C8orf34: variants seen among roughly 807,000 people sequenced by gnomAD.
The protein encoded by C8orf34 is uncharacterized protein C8orf34.
A neutral mutation model predicts 68.3 loss-of-function variants in C8orf34; 65 were observed. The ratio of observed to expected loss-of-function variants is 0.95; its 90% confidence interval spans 0.78 to 1.17. C8orf34 has a LOEUF of 1.17. Ranked by LOEUF, C8orf34 falls within the 50% of genes most tolerant of loss-of-function variation. The pLI, the probability that C8orf34 is intolerant of heterozygous loss-of-function variation, is 0.00. For missense variants in C8orf34, 664 were observed against 655.4 expected (o/e 1.01, Z -0.14); for synonymous variants, 244 against 241.2 (o/e 1.01, Z -0.11).
intron 8 of C8orf34, among the ~76,000 whole-genome samples, chr8:68,677,952 G>T (rs1820244331): frequency 6.6e-6 from 1 of 152,090 alleles, no homozygotes; most frequent in South Asian, 2.1e-4. Context: ...GCTACTAAGA[G>T]AAACTATATG....
intron 8 of C8orf34, among the ~76,000 whole-genome samples, chr8:68,673,345 A>G (rs1255650999): frequency 6.6e-6 from 1 of 151,992 alleles, no homozygotes; most frequent in Non-Finnish European, 1.5e-5. Context: ...GGGGTCCACA[A>G]TTCCAGGCGT....
chr8:68,744,425 C>G (rs1233694702), intron 10 of C8orf34, among the ~76,000 whole-genome samples: 1 of 152,130 alleles, frequency 6.6e-6, no homozygotes, highest in Non-Finnish European at 1.5e-5. Context: ...TTCAGATGAT[C>G]AAATTACTCT....
chr8:68,723,828 G>A (rs1307238665), intron 10 of C8orf34, among the ~76,000 whole-genome samples: 2 of 152,018 alleles, frequency 1.3e-5, no homozygotes, highest in East Asian at 3.9e-4. Flanking sequence ...AGCTTTATTT[G>A]ACCGAAGTTT....
At position 68,513,656 on chromosome 8, in the gene C8orf34, T is replaced by G. The variant is rs77743185; in HGVS notation, c.766-8143T>G. Among the ~76,000 whole-genome samples, 1,224 of 152,352 alleles carry G rather than the reference T, an allele frequency of 8.0e-3. 16 individuals are homozygous for G. Among genetic ancestry groups the G allele is most frequent in the Middle Eastern group, 0.024 (7 of 294 alleles). ...ATGCCTGGTGAAGAACCTTTTATTC[T>G]TATGCAAGTGGTTCCTCCACCAGGA... On this transcript the variant is annotated intron_variant, in intron 5 of 13. Transcript: ENST00000518698.
chr8:68,569,038 A>C (rs1316938045), intron 7 of C8orf34, among the ~76,000 whole-genome samples: 1 of 152,216 alleles, frequency 6.6e-6, no homozygotes, highest in Non-Finnish European at 1.5e-5. Flanking sequence ...CTCCCGTTGT[A>C]GACTGTCTGT....
intron 3 of C8orf34, among the ~76,000 whole-genome samples, chr8:68,464,638 T>A (rs1812021611): frequency 6.6e-6 from 1 of 151,948 alleles, no homozygotes. Flanking sequence ...CCCTCAGAAA[T>A]AACACTGCAT....
chr8:68,810,499 CCTT>C (rs1332238627), intron 12 of C8orf34, among the ~76,000 whole-genome samples: 4 of 152,200 alleles, frequency 2.6e-5, no homozygotes, highest in Non-Finnish European at 5.9e-5. Context: ...GCTCTTCTCT[CCTT>C]CTCTCTTCTC....
At chr8:68,342,611 A>G (rs1347267848) in intron 1 of C8orf34, among the ~76,000 whole-genome samples, 1 of 152,200 alleles carries the variant, frequency 6.6e-6, no homozygotes, top group East Asian at 1.9e-4. Flanking sequence ...TATCATTCTG[A>G]GTAGCATTGT....
At chr8:68,488,496 G>C (rs147564175) in intron 5 of C8orf34, among the ~76,000 whole-genome samples, 37 of 152,196 alleles carry the variant, frequency 2.4e-4, no homozygotes, top group African/African-American at 8.7e-4. Flanking sequence ...GTACTTTGAA[G>C]TGGGGTAGTA....
At chr8:68,813,820 C>T (rs1342348337) in intron 12 of C8orf34, among the ~76,000 whole-genome samples, 5 of 152,192 alleles carry the variant, frequency 3.3e-5, no homozygotes, top group African/African-American at 1.2e-4. Context: ...TTCCTCTCTA[C>T]CGCAACTATT....
At chr8:68,688,531 T>C (rs1820592416) in intron 8 of C8orf34, among the ~76,000 whole-genome samples, 1 of 152,108 alleles carries the variant, frequency 6.6e-6, no homozygotes, top group Admixed American at 6.6e-5. Context: ...CGTATGTTTA[T>C]TGCAGCAATA....
intron 1 of C8orf34, among the ~76,000 whole-genome samples, chr8:68,412,722 A>G (rs1809495697): frequency 6.6e-6 from 1 of 151,296 alleles, no homozygotes; most frequent in Non-Finnish European, 1.5e-5. Flanking sequence ...GTTACCAATA[A>G]CTCTCTCCAT....
intron 7 of C8orf34, among the ~76,000 whole-genome samples, chr8:68,597,858 T>TA (rs1034696153): frequency 3.3e-5 from 5 of 152,072 alleles, no homozygotes; most frequent in African/African-American, 4.8e-5. Flanking sequence ...TTTATACTGA[T>TA]AAAAAAATGA....
intron 7 of C8orf34, among the ~76,000 whole-genome samples, chr8:68,571,201 A>G (rs1816750623): frequency 6.6e-6 from 1 of 152,182 alleles, no homozygotes. Context: ...CTCCATGGAA[A>G]GGGAATGCTC....
intron 12 of C8orf34, 87 bp downstream of exon 12, chr8:68,787,623 A>G: frequency 1.1e-6 from 1 of 910,802 alleles, no homozygotes; most frequent in Non-Finnish European, 1.6e-6. Context: ...AGCAATAAAC[A>G]ACTTCTGTAA....
At chr8:68,681,206 G>C (rs531178813) in intron 8 of C8orf34, among the ~76,000 whole-genome samples, 1 of 152,140 alleles carries the variant, frequency 6.6e-6, no homozygotes, top group Non-Finnish European at 1.5e-5. Flanking sequence ...AATTTGTATA[G>C]TTAACACAAT....
intron 6 of C8orf34, chr8:68,525,537 T>G (rs1814938405): frequency 1.2e-6 from 1 of 849,086 alleles, no homozygotes; most frequent in Non-Finnish European, 1.9e-6. Context: ...AATCCCAGGA[T>G]TTTCCCTCCT....
At chr8:68,747,882 C>T (rs1374742787) in intron 10 of C8orf34, among the ~76,000 whole-genome samples, 1 of 152,126 alleles carries the variant, frequency 6.6e-6, no homozygotes, top group East Asian at 1.9e-4. Flanking sequence ...TTGGAAAAAA[C>T]TACTTTAATG....
chr8:68,480,747 C>A (rs1009992121), intron 4 of C8orf34, among the ~76,000 whole-genome samples: 18 of 152,150 alleles, frequency 1.2e-4, no homozygotes, highest in Non-Finnish European at 7.3e-5. Flanking sequence ...ATTTGTGGAA[C>A]TTTGAACTTG....
Sources: gnomAD v4.1 joint callset for allele counts (sites outside exome capture counted in the v4.1 genomes callset) on GRCh38, gnomAD v4.1.1 for gene constraint, MANE v1.5 for transcripts, NCBI Gene and HGNC (gene_info 2026-07-23, HGNC 2026-07-21) for gene names.